Variants in KLF15 observed in about 807,000 individuals in gnomAD.
The protein encoded by KLF15 is KLF transcription factor 15, also known as Krueppel-like factor 15.
A neutral mutation model predicts 24.6 loss-of-function variants in KLF15; 4 were observed. The ratio of observed to expected loss-of-function variants is 0.16; its 90% CI spans 0.08 to 0.37. The LOEUF (loss-of-function observed/expected upper bound fraction) is 0.37, where lower values mean the gene tolerates loss of function less well. KLF15 is among the 10% of genes least tolerant of loss of function. The probability of loss-of-function intolerance (pLI) is 1.00; values close to 1 mark genes in which losing one functional copy is unlikely to be tolerated. For missense variants in KLF15, 496 were observed against 560.6 expected (o/e 0.88, Z 1.16); for synonymous variants, 246 against 236.3 (o/e 1.04, Z -0.37).
the KLF15 span, among the ~76,000 whole-genome samples, chr3:126,289,686 G>C: frequency 2.6e-5 from 4 of 152,172 alleles, no homozygotes; most frequent in Admixed American, 2.0e-4. Context: ...TAAATACAGG[G>C]CTTACCATGT....
the KLF15 span, among the ~76,000 whole-genome samples, chr3:126,330,697 T>A: frequency 6.6e-6 from 1 of 152,220 alleles, no homozygotes. Context: ...TCTTGATGAA[T>A]ACAGTGCTCT....
chr3:126,316,566 C>CCGGAG, the KLF15 span, among the ~76,000 whole-genome samples: 2 of 139,678 alleles, frequency 1.4e-5, no homozygotes, highest in Non-Finnish European at 1.5e-5. Flanking sequence ...GGTACACGGG[C>CCGGAG]TGGAGTAGGG....
At chr3:126,322,350 GCTTC>G in the KLF15 span, among the ~76,000 whole-genome samples, 1 of 152,164 alleles carries the variant, frequency 6.6e-6, no homozygotes, top group Non-Finnish European at 1.5e-5. Flanking sequence ...CGTCTCCTGT[GCTTC>G]CCCAGCTTCC....
downstream of KLF15, among the ~76,000 whole-genome samples, chr3:126,341,073 A>G (rs57103542): frequency 0.42 from 63,143 of 152,070 alleles, 13,606 homozygotes; most frequent in Non-Finnish European, 0.47. Context: ...GCCCAGGATC[A>G]ACAGGCAGTG....
chr3:126,356,369 AG>A lies in KLF15; in HGVS notation c.-26+867del, dbSNP rs1323105923. 6.6e-6 allele frequency among the ~76,000 whole-genome samples: 1 copy of A among 152,082 alleles called. No homozygotes were observed. Among genetic ancestry groups the A allele is most frequent in the Non-Finnish European group, 1.5e-5 (1 of 67,996 alleles). ...ACCTCCGAGGGCCGTGGGAGAAAAC[AG>A]CCCCTCTGTGCCCTCCGTGAGAGGG... On this transcript the variant is annotated intron_variant, in intron 1 of 2. Coordinates refer to ENST00000296233, the MANE Select transcript of KLF15 (RefSeq NM_014079.4). This position sits in a 1 kb window ranked among gnomAD's most constrained non-coding sequence, Gnocchi z 4.4.
chr3:126,300,416 T>C, the KLF15 span, among the ~76,000 whole-genome samples: 1 of 152,208 alleles, frequency 6.6e-6, no homozygotes, highest in South Asian at 2.1e-4. Context: ...AGTCCTTGCC[T>C]GGGGACTACC....
chr3:126,354,566 G>A lies in KLF15; in HGVS notation c.-25-1619C>T, dbSNP rs148061923. On this transcript the variant is annotated intron_variant, in intron 1 of 2. Coordinates refer to ENST00000296233, the MANE Select transcript of KLF15 (RefSeq NM_014079.4). ...TCCCAACTTACCCAGGAAGCTTCAC[G>A]GAGCTCCAGGAAACTAAGGCAAGGT... 6.5e-3 allele frequency among the ~76,000 whole-genome samples: 983 copies of A among 152,262 alleles called. 13 individuals are homozygous for A. Among genetic ancestry groups the A allele is most frequent in the African/African-American group, 0.022 (934 of 41,542 alleles).
the KLF15 span, among the ~76,000 whole-genome samples, chr3:126,305,225 A>G: frequency 6.6e-6 from 1 of 152,356 alleles, no homozygotes; most frequent in East Asian, 1.9e-4. Context: ...TATAAGAAAT[A>G]AACTTATATT....
the KLF15 span, among the ~76,000 whole-genome samples, chr3:126,303,199 G>A: frequency 1.3e-5 from 2 of 151,924 alleles, no homozygotes; most frequent in African/African-American, 2.4e-5. Context: ...CAGATAATAA[G>A]AAAGAAGTAT....
chr3:126,328,264 TC>T, the KLF15 span, among the ~76,000 whole-genome samples: 105 of 152,292 alleles, frequency 6.9e-4, no homozygotes, highest in African/African-American at 2.5e-3. Flanking sequence ...GTTAATTCAT[TC>T]CTTTTTATGG....
At chr3:126,341,631 C>T (rs1197669392), downstream of KLF15, among the ~76,000 whole-genome samples, 3 of 152,170 alleles carry the variant, frequency 2.0e-5, no homozygotes, top group Admixed American at 2.0e-4. Context: ...ATCAGCTGTG[C>T]TGTGTGCTGG....
At chr3:126,355,655 G>C (rs549198195) in intron 1 of KLF15, among the ~76,000 whole-genome samples, 1 of 152,348 alleles carries the variant, frequency 6.6e-6, no homozygotes, top group Non-Finnish European at 1.5e-5. Context: ...AATATCAGCT[G>C]TCCTGACTGT....
chr3:126,310,632 C>T, the KLF15 span, among the ~76,000 whole-genome samples: 2 of 152,068 alleles, frequency 1.3e-5, no homozygotes, highest in Non-Finnish European at 2.9e-5. Context: ...CTCCTGCAGC[C>T]TCTCTCCTTG....
chr3:126,292,004 C>T, the KLF15 span, among the ~76,000 whole-genome samples: 1 of 152,226 alleles, frequency 6.6e-6, no homozygotes, highest in African/African-American at 2.4e-5. Flanking sequence ...TCATTCCCTC[C>T]ACACCCTAAG....
the KLF15 span, among the ~76,000 whole-genome samples, chr3:126,294,862 C>CAT: frequency 1.8e-5 from 2 of 112,568 alleles, no homozygotes; most frequent in African/African-American, 8.0e-5. Context: ...CCTGCCCCTC[C>CAT]ATACACACAC....
the KLF15 span, among the ~76,000 whole-genome samples, chr3:126,305,594 T>G: frequency 1.5e-3 from 225 of 150,532 alleles, 2 homozygotes; most frequent in African/African-American, 5.4e-3. Flanking sequence ...CCTTTCACAT[T>G]TCATTACTCA....
At chr3:126,339,021 G>A (rs902831708), downstream of KLF15, among the ~76,000 whole-genome samples, 7 of 152,212 alleles carry the variant, frequency 4.6e-5, no homozygotes, top group African/African-American at 1.2e-4. Flanking sequence ...GGATATGTCC[G>A]TGCGCCAGGA....
chr3:126,341,745 C>T (rs2082480692), downstream of KLF15, among the ~76,000 whole-genome samples: 2 of 152,196 alleles, frequency 1.3e-5, no homozygotes, highest in South Asian at 4.1e-4. Flanking sequence ...TGCCCTACCC[C>T]CAGCCTCCAG....
At chr3:126,317,603 C>T in the KLF15 span, among the ~76,000 whole-genome samples, 5,407 of 152,120 alleles carry the variant, frequency 0.036, 329 homozygotes, top group African/African-American at 0.12. Context: ...CTGCGCACCC[C>T]GGAGTGCGGG....
Sources: gnomAD v4.1 joint callset for allele counts (sites outside exome capture counted in the v4.1 genomes callset) on GRCh38, gnomAD v4.1.1 for gene constraint, Gnocchi (gnomAD v3.1) non-coding constraint, MANE v1.5 for transcripts, NCBI Gene and HGNC (gene_info 2026-07-23, HGNC 2026-07-21) for gene names.